Variants in PPP2R5C observed in about 807,000 individuals in gnomAD.
PPP2R5C encodes protein phosphatase 2 regulatory subunit B'gamma, also known as serine/threonine-protein phosphatase 2A 56 kDa regulatory subunit gamma isoform.
A neutral mutation model predicts 68.9 loss-of-function variants in PPP2R5C; 7 were observed. The ratio of observed to expected loss-of-function variants is 0.10; its 90% CI spans 0.06 to 0.19. The LOEUF (loss-of-function observed/expected upper bound fraction) is 0.19. Ranked by LOEUF, PPP2R5C falls within the 10% of genes least tolerant of loss-of-function variation. The pLI is 1.00. For synonymous variants in PPP2R5C, 210 were observed against 222.2 expected, an observed-to-expected ratio of 0.95 and a Z score of 0.49; for missense variants, 348 against 641.3, an observed-to-expected ratio of 0.54 and a Z score of 4.94.
At chr14:101,822,399 AAC>A (rs1213700763) in intron 1 of PPP2R5C, among the ~76,000 whole-genome samples, 1 of 152,194 alleles carries the variant, frequency 6.6e-6, no homozygotes, top group Non-Finnish European at 1.5e-5. Flanking sequence ...GCCAGGAGAA[AAC>A]TTAAATGACT....
chr14:101,862,297 A>G (rs2140647990), intron 2 of PPP2R5C, among the ~76,000 whole-genome samples: 1 of 152,340 alleles, frequency 6.6e-6, no homozygotes, highest in East Asian at 1.9e-4. Context: ...TGCTGAGCTC[A>G]GTGGTGATGG....
chr14:101,797,128 C>G lies in PPP2R5C; in HGVS notation c.259+10945C>G. 1 of 455,804 alleles carries G rather than the reference C, an allele frequency of 2.2e-6. No homozygotes were observed. The highest frequency in any genetic ancestry group is 1.5e-5 in the South Asian group (1 of 64,550). The allele number at this position is 455,804 out of a possible 1,614,324, so 28.2% of individuals were successfully genotyped here. The stretch of plus-strand genomic sequence containing the variant: ...CTTTCTGTCTCTATGATTTTGCCCA[C>G]AGTAGGAGCCTCTTAGAAGCGGAAT... On this transcript the variant is annotated intron_variant, in intron 3 of 14. Transcript: ENST00000328724. This position sits in a 1 kb window ranked among gnomAD's most constrained non-coding sequence, Gnocchi z 4.2.
chr14:101,817,175 C>G (rs1016609788), intron 1 of PPP2R5C, among the ~76,000 whole-genome samples: 1 of 151,754 alleles, frequency 6.6e-6, no homozygotes, highest in Non-Finnish European at 1.5e-5. Flanking sequence ...CCAGGATTGT[C>G]TCGATCTCCT....
chr14:101,822,278 T>C (rs1345214618), intron 1 of PPP2R5C, among the ~76,000 whole-genome samples: 1 of 152,118 alleles, frequency 6.6e-6, no homozygotes, highest in African/African-American at 2.4e-5. Context: ...TTAGAGGGAA[T>C]TGGAAGAATT....
At chr14:101,817,384 TACTGTTTCCTAAGCCATGAGC>T (rs2039787760) in intron 1 of PPP2R5C, among the ~76,000 whole-genome samples, 1 of 152,212 alleles carries the variant, frequency 6.6e-6, no homozygotes. Context: ...ATAACTTAGC[TACTGTTTCCTAAGCCATGAGC>T]AGTGGCCTTT....
chr14:101,858,758 A>T (rs917255797), intron 2 of PPP2R5C, among the ~76,000 whole-genome samples: 2 of 152,138 alleles, frequency 1.3e-5, no homozygotes, highest in African/African-American at 4.8e-5. Flanking sequence ...AAAGTCTCTG[A>T]TTCCCACTCT....
intron 3 of PPP2R5C, among the ~76,000 whole-genome samples, chr14:101,798,295 C>T (rs117602047): frequency 6.6e-6 from 1 of 152,194 alleles, no homozygotes; most frequent in East Asian, 1.9e-4. Flanking sequence ...AATTTGCCTA[C>T]AAAATTGCTT....
intron 3 of PPP2R5C, chr14:101,789,707 G>A (rs141742689): frequency 2.4e-4 from 36 of 152,320 alleles, no homozygotes; most frequent in African/African-American, 8.2e-4. Flanking sequence ...ACTTTGTGAA[G>A]GTTCCTGGGG....
upstream of PPP2R5C, among the ~76,000 whole-genome samples, chr14:101,807,245 A>T (rs528485612): frequency 6.6e-6 from 1 of 152,280 alleles, no homozygotes; most frequent in Admixed American, 6.5e-5. Flanking sequence ...CAATTATCTA[A>T]TTCTTCCCCT....
intron 3 of PPP2R5C, among the ~76,000 whole-genome samples, chr14:101,798,905 A>G (rs2038738479): frequency 6.6e-6 from 1 of 152,200 alleles, no homozygotes; most frequent in Admixed American, 6.5e-5. Flanking sequence ...GGGACCTGGA[A>G]TGGGGTCTGT....
intron 1 of PPP2R5C, among the ~76,000 whole-genome samples, chr14:101,813,779 C>G (rs904374216): frequency 6.6e-6 from 1 of 152,234 alleles, no homozygotes; most frequent in Non-Finnish European, 1.5e-5. Flanking sequence ...TTGAAAGACT[C>G]AGGAGTAGCT....
chr14:101,818,953 TTAACTTA>T (rs1299629539), intron 1 of PPP2R5C: 3 of 1,456,214 alleles, frequency 2.1e-6, no homozygotes, highest in Non-Finnish European at 2.8e-6. Context: ...TTATGGTATT[TTAACTTA>T]TAACTTATGA....
At chr14:101,818,989 T>C in intron 1 of PPP2R5C, 1 of 1,542,762 alleles carries the variant, frequency 6.5e-7, no homozygotes, top group Non-Finnish European at 8.8e-7. Flanking sequence ...TGTTTCACTC[T>C]AGGGAACAAG....
chr14:101,819,166 G>GGTTTT, intron 1 of PPP2R5C: 2 of 1,361,698 alleles, frequency 1.5e-6, no homozygotes, highest in Non-Finnish European at 2.0e-6. Flanking sequence ...ATGGGTTGTC[G>GGTTTT]GTTTTGGTTT....
chr14:101,866,155 A>G (rs2043053653), intron 2 of PPP2R5C, among the ~76,000 whole-genome samples: 3 of 152,190 alleles, frequency 2.0e-5, no homozygotes. Context: ...TCAGCCTCCC[A>G]GAGTACTGGG....
chr14:101,895,724 C>T (rs561056694), intron 8 of PPP2R5C, among the ~76,000 whole-genome samples: 1 of 152,224 alleles, frequency 6.6e-6, no homozygotes, highest in South Asian at 2.1e-4. Flanking sequence ...TTTCAGTGTA[C>T]ACCTGGGTTG....
At chr14:101,912,498 A>G in intron 12 of PPP2R5C, 25 bp downstream of exon 14, 1 of 1,595,310 alleles carries the variant, frequency 6.3e-7, no homozygotes, top group Non-Finnish European at 8.5e-7. Flanking sequence ...AATAACATGA[A>G]AACGCCCAGG....
At chr14:101,849,122 C>T (rs1746596) in intron 1 of PPP2R5C, among the ~76,000 whole-genome samples, 34,577 of 152,150 alleles carry the variant, frequency 0.23, 4,033 homozygotes, top group African/African-American at 0.26. Flanking sequence ...TGGAATGTTA[C>T]ATAGACTGCA....
In PPP2R5C at chr14:101,877,901, G is replaced by A. The variant is rs188088048; in HGVS notation, c.295-4260G>A. 3.1e-4 allele frequency among the ~76,000 whole-genome samples: 47 copies of A among 152,290 alleles called. No homozygotes were observed. Among genetic ancestry groups the A allele is most frequent in the Middle Eastern group, 3.4e-3 (1 of 294 alleles). ...GAATGAACCTTCCCGGACCTAGGTCGGTCATCAGTCAAGGACGCTGTATCA... is the reference window on the plus strand; with the variant it reads ...GAATGAACCTTCCCGGACCTAGGTCAGTCATCAGTCAAGGACGCTGTATCA... On this transcript the variant is annotated intron_variant, in intron 2 of 13. Transcript: ENST00000334743. The surrounding 1 kb of genome is among the most constrained non-coding windows in gnomAD (Gnocchi z 4.2).
Sources: allele counts gnomAD v4.1 joint callset (sites outside exome capture counted in the v4.1 genomes callset), GRCh38; gene constraint gnomAD v4.1.1; non-coding constraint Gnocchi (gnomAD v3.1); transcripts MANE v1.5; gene names NCBI Gene and HGNC (gene_info 2026-07-23, HGNC 2026-07-21).